Variants in ARHGAP15 observed in about 807,000 individuals in gnomAD.
ARHGAP15 encodes Rho GTPase activating protein 15.
Under a neutral mutation model 63.7 loss-of-function variants are expected in ARHGAP15, and 51 were observed. The observed-to-expected ratio is 0.80, with a 90% CI of 0.64 to 1.01. The LOEUF is 1.01. Ranked by LOEUF, ARHGAP15 falls within the 50% of genes least tolerant of loss-of-function variation. The pLI is 0.00. For missense variants in ARHGAP15, 560 were observed against 564.6 expected (o/e 0.99, Z 0.08); for synonymous variants, 191 against 193.8 (o/e 0.99, Z 0.12).
chr2:143,316,674 T>C (rs1683735251), intron 6 of ARHGAP15, among the ~76,000 whole-genome samples: 2 of 145,814 alleles, frequency 1.4e-5, no homozygotes, highest in African/African-American at 2.8e-5. Flanking sequence ...TAATTCTGGC[T>C]ACTGTCTCTG....
At chr2:143,260,164 T>C (rs1574169121) in intron 6 of ARHGAP15, among the ~76,000 whole-genome samples, 1 of 152,182 alleles carries the variant, frequency 6.6e-6, no homozygotes, top group African/African-American at 2.4e-5. Context: ...TCTTCATGAA[T>C]TTTCAAGTTA....
chr2:143,511,405 T>C (rs1328985163), intron 9 of ARHGAP15, among the ~76,000 whole-genome samples: 2 of 152,072 alleles, frequency 1.3e-5, no homozygotes, highest in African/African-American at 4.8e-5. Context: ...GTCACAGGAG[T>C]TTGCAGAAGA....
At chr2:143,460,443 AATAT>A (rs893329877) in intron 8 of ARHGAP15, among the ~76,000 whole-genome samples, 6 of 152,058 alleles carry the variant, frequency 3.9e-5, no homozygotes, top group African/African-American at 1.4e-4. Flanking sequence ...ACATCTGGAA[AATAT>A]ATATATATCT....
At chr2:143,364,190 CAAA>C (rs1686191716) in intron 6 of ARHGAP15, among the ~76,000 whole-genome samples, 1 of 144,046 alleles carries the variant, frequency 6.9e-6, no homozygotes, top group Non-Finnish European at 1.5e-5. Context: ...AGCAAAAAAA[CAAA>C]CAACAACAAC....
chr2:143,691,118 G>A (rs1424729914), intron 12 of ARHGAP15, among the ~76,000 whole-genome samples: 1 of 152,140 alleles, frequency 6.6e-6, no homozygotes, highest in Non-Finnish European at 1.5e-5. Flanking sequence ...TGGTCATAAC[G>A]AATTGTGCAG....
At chr2:143,540,315 G>C (rs984399006) in intron 10 of ARHGAP15, among the ~76,000 whole-genome samples, 20 of 152,166 alleles carry the variant, frequency 1.3e-4, no homozygotes, top group African/African-American at 4.8e-4. Context: ...ACTATGATGG[G>C]TCTTGACTCT....
intron 12 of ARHGAP15, among the ~76,000 whole-genome samples, chr2:143,645,076 A>G (rs1680804592): frequency 6.6e-6 from 1 of 152,108 alleles, no homozygotes; most frequent in Non-Finnish European, 1.5e-5. Context: ...CATAGGTTTG[A>G]GATTGTTTTA....
chr2:143,539,462 T>C (rs1694941690), intron 10 of ARHGAP15, among the ~76,000 whole-genome samples: 1 of 152,184 alleles, frequency 6.6e-6, no homozygotes, highest in African/African-American at 2.4e-5. Flanking sequence ...GTTCTTTTAA[T>C]TGTGATGTTA....
In ARHGAP15 at chr2:143,627,953, C is replaced by A. The variant is rs181140853; in HGVS notation, c.1138+3686C>A. Among the ~76,000 whole-genome samples the A allele has an allele frequency of 9.2e-4, 140 of 152,018 alleles. 1 individual carries two copies. The highest frequency in any genetic ancestry group is 2.5e-3 in the Admixed American group (38 of 15,240). ...CCCAGGTATAGAGCATACTACCCAA[C>A]AGTTTTTCAACTCTTGCTCACCTCC... On this transcript the variant is annotated intron_variant, in intron 12 of 13. Coordinates refer to ENST00000295095, the MANE Select transcript of ARHGAP15 (RefSeq NM_018460.4).
intron 1 of ARHGAP15, among the ~76,000 whole-genome samples, chr2:143,145,646 T>A (rs1160288228): frequency 1.3e-5 from 2 of 152,052 alleles, no homozygotes; most frequent in Non-Finnish European, 2.9e-5. Context: ...GTATCCCCAG[T>A]TGCCAATATT....
At chr2:143,553,298 TATG>T (rs1695653482) in intron 10 of ARHGAP15, among the ~76,000 whole-genome samples, 1 of 152,150 alleles carries the variant, frequency 6.6e-6, no homozygotes, top group East Asian at 1.9e-4. Context: ...ATTTAAAAAG[TATG>T]ATAGCCGGAG....
intron 6 of ARHGAP15, among the ~76,000 whole-genome samples, chr2:143,258,613 C>T (rs1163563666): frequency 6.6e-6 from 1 of 152,076 alleles, no homozygotes; most frequent in East Asian, 1.9e-4. Flanking sequence ...GGAGGCTGCT[C>T]TTTTATCTTA....
At chr2:143,733,682 CAG>C (rs1685635432) in intron 13 of ARHGAP15, among the ~76,000 whole-genome samples, 1 of 152,120 alleles carries the variant, frequency 6.6e-6, no homozygotes, top group Non-Finnish European at 1.5e-5. Context: ...ATAATTTATT[CAG>C]AGATTAAAAG....
chr2:143,505,694 C>G lies in ARHGAP15; in HGVS notation c.827-13572C>G, dbSNP rs533404646. ...ATCACACCTCCATGGAACTAGCCAG[C>G]CCTTCTGCAGAACCACATGATTCCC... On this transcript the variant is annotated intron_variant, in intron 9 of 13. Transcript: ENST00000295095. Among the ~76,000 whole-genome samples the G allele has an allele frequency of 2.0e-5, 3 of 152,148 alleles. No individual in the cohort carries two copies. The South Asian group carries it at 6.2e-4, about 32-fold the overall frequency.
intron 6 of ARHGAP15, among the ~76,000 whole-genome samples, chr2:143,408,610 A>G (rs984836742): frequency 7.9e-5 from 12 of 151,920 alleles, no homozygotes; most frequent in African/African-American, 2.7e-4. Flanking sequence ...AAACAGATTA[A>G]AAACTCCACA....
At chr2:143,493,051 C>T (rs976211750) in intron 9 of ARHGAP15, among the ~76,000 whole-genome samples, 1 of 129,814 alleles carries the variant, frequency 7.7e-6, no homozygotes, top group African/African-American at 2.6e-5. Flanking sequence ...GAGCGAGACT[C>T]TGTCTCAAAA....
intron 6 of ARHGAP15, among the ~76,000 whole-genome samples, chr2:143,434,271 A>G (rs1236028399): frequency 6.6e-6 from 1 of 152,100 alleles, no homozygotes; most frequent in Non-Finnish European, 1.5e-5. Context: ...AGTTATAGAG[A>G]CAACATTTGA....
At chr2:143,477,566 C>T (rs533627757) in intron 8 of ARHGAP15, among the ~76,000 whole-genome samples, 8 of 152,000 alleles carry the variant, frequency 5.3e-5, no homozygotes, top group African/African-American at 1.4e-4. Flanking sequence ...TTATTATCCC[C>T]ATCTAACAGA....
intron 12 of ARHGAP15, among the ~76,000 whole-genome samples, chr2:143,693,439 A>T (rs913386923): frequency 5.3e-5 from 8 of 152,202 alleles, no homozygotes; most frequent in African/African-American, 1.7e-4. Context: ...TCTTCATTAT[A>T]AAAGTACAGA....
Sources: allele counts gnomAD v4.1 joint callset (sites outside exome capture counted in the v4.1 genomes callset), GRCh38; gene constraint gnomAD v4.1.1; transcripts MANE v1.5; gene names NCBI Gene and HGNC (gene_info 2026-07-23, HGNC 2026-07-21).